LRFN5: variants seen among roughly 807,000 people sequenced by gnomAD.
The protein encoded by LRFN5 is leucine rich repeat and fibronectin type III domain containing 5.
A neutral mutation model predicts 45.6 loss-of-function variants in LRFN5; 24 were observed. The observed-to-expected ratio is 0.53, with a 90% CI of 0.38 to 0.74. The LOEUF (loss-of-function observed/expected upper bound fraction) is 0.74, where lower values mean the gene tolerates loss of function less well. Ranked by LOEUF, LRFN5 falls within the 30% of genes least tolerant of loss-of-function variation. LRFN5 has a pLI of 0.00. For synonymous variants in LRFN5, 340 were observed against 313.8 expected, an observed-to-expected ratio of 1.08 and a Z score of -0.88; for missense variants, 776 against 861.5, an observed-to-expected ratio of 0.90 and a Z score of 1.24.
At chr14:41,849,405 A>G (rs1566482141) in intron 2 of LRFN5, among the ~76,000 whole-genome samples, 1 of 151,618 alleles carries the variant, frequency 6.6e-6, no homozygotes, top group Admixed American at 6.6e-5. Context: ...ATTTCAACAC[A>G]TTTTTATAAG....
chr14:41,643,513 T>G (rs1879676499), intron 1 of LRFN5, among the ~76,000 whole-genome samples: 1 of 152,188 alleles, frequency 6.6e-6, no homozygotes, highest in Non-Finnish European at 1.5e-5. Flanking sequence ...CTAAGTTATC[T>G]TGTGTATTTG....
intron 2 of LRFN5, among the ~76,000 whole-genome samples, chr14:41,785,697 T>A (rs1435650024): frequency 3.3e-5 from 5 of 152,146 alleles, no homozygotes; most frequent in Admixed American, 3.3e-4. Flanking sequence ...CACCATAATG[T>A]AGAATCGGTG....
chr14:41,882,703 T>C (rs1890423841), intron 2 of LRFN5, among the ~76,000 whole-genome samples: 2 of 152,148 alleles, frequency 1.3e-5, no homozygotes, highest in South Asian at 4.1e-4. Flanking sequence ...TTCTATTTTG[T>C]TATGTTGAAC....
intron 1 of LRFN5, among the ~76,000 whole-genome samples, chr14:41,670,271 AT>A (rs1881130604): frequency 1.9e-5 from 1 of 53,446 alleles, no homozygotes; most frequent in Non-Finnish European, 3.2e-5. Flanking sequence ...ATATATATAT[AT>A]ATATATATAT....
chr14:41,899,459 A>G (rs1475770805), intron 5 of LRFN5, among the ~76,000 whole-genome samples: 2 of 152,150 alleles, frequency 1.3e-5, no homozygotes, highest in Non-Finnish European at 2.9e-5. Context: ...TACATATGAA[A>G]TATTCATGGT....
intron 1 of LRFN5, among the ~76,000 whole-genome samples, chr14:41,634,588 T>TAGAC (rs1888665965): frequency 1.3e-5 from 2 of 152,190 alleles, no homozygotes; most frequent in Non-Finnish European, 2.9e-5. Flanking sequence ...ACCATCTGGA[T>TAGAC]AGACATAGGT....
At chr14:41,857,844 T>C (rs946978861) in intron 2 of LRFN5, among the ~76,000 whole-genome samples, 1 of 152,192 alleles carries the variant, frequency 6.6e-6, no homozygotes, top group African/African-American at 2.4e-5. Flanking sequence ...AGAACATTTA[T>C]GCTGAAACTT....
At chr14:41,762,137 GAAA>G (rs60675317) in intron 1 of LRFN5, among the ~76,000 whole-genome samples, 2 of 101,406 alleles carry the variant, frequency 2.0e-5, no homozygotes, top group Admixed American at 1.0e-4. Context: ...TTCACACCCT[GAAA>G]AAAAAAAAAA....
intron 2 of LRFN5, among the ~76,000 whole-genome samples, chr14:41,824,455 T>G (rs1888225555): frequency 6.6e-6 from 1 of 152,178 alleles, no homozygotes; most frequent in Non-Finnish European, 1.5e-5. Context: ...AGTGACCTTC[T>G]CAAATCTCAG....
At chr14:41,720,297 A>G (rs1234637821) in intron 1 of LRFN5, among the ~76,000 whole-genome samples, 2 of 152,140 alleles carry the variant, frequency 1.3e-5, no homozygotes, top group African/African-American at 2.4e-5. Flanking sequence ...ATAGTATTCC[A>G]TGATGTATAT....
intron 1 of LRFN5, among the ~76,000 whole-genome samples, chr14:41,725,184 C>A (rs1028466166): frequency 1.3e-5 from 2 of 152,150 alleles, no homozygotes; most frequent in Non-Finnish European, 2.9e-5. Flanking sequence ...AGTTAGGATT[C>A]ACATTTTAGA....
intron 2 of LRFN5, among the ~76,000 whole-genome samples, chr14:41,771,181 A>G (rs534084517): frequency 2.0e-5 from 3 of 150,000 alleles, no homozygotes; most frequent in African/African-American, 7.3e-5. Context: ...AAACCATTCT[A>G]TTCTCCTGGG....
intron 2 of LRFN5, among the ~76,000 whole-genome samples, chr14:41,776,005 C>T (rs763207974): frequency 1.2e-4 from 18 of 152,160 alleles, no homozygotes; most frequent in Non-Finnish European, 1.9e-4. Context: ...TATATGCAAA[C>T]ACTCCAGTCT....
At chr14:41,779,355 C>G (rs1886402954) in intron 2 of LRFN5, among the ~76,000 whole-genome samples, 1 of 151,680 alleles carries the variant, frequency 6.6e-6, no homozygotes, top group South Asian at 2.1e-4. Context: ...AATTTTTCAT[C>G]CATTGTTTGT....
intron 1 of LRFN5, among the ~76,000 whole-genome samples, chr14:41,752,749 T>C (rs1294773510): frequency 5.9e-5 from 9 of 152,242 alleles, no homozygotes; most frequent in Non-Finnish European, 7.3e-5. Context: ...TCTTTTGCTG[T>C]GCAGAAGCTC....
At chr14:41,854,395 A>C (rs550974939) in intron 2 of LRFN5, among the ~76,000 whole-genome samples, 16 of 152,188 alleles carry the variant, frequency 1.1e-4, no homozygotes, top group African/African-American at 3.4e-4. Context: ...TAGCATTAGG[A>C]GATATACCTA....
intron 2 of LRFN5, among the ~76,000 whole-genome samples, chr14:41,779,765 C>G (rs73316922): frequency 0.06 from 9,054 of 151,916 alleles, 686 homozygotes; most frequent in East Asian, 0.19. Context: ...TAGAGTTATT[C>G]ATAATATTAC....
chr14:41,720,190 C>T (rs980550006), intron 1 of LRFN5, among the ~76,000 whole-genome samples: 10 of 152,028 alleles, frequency 6.6e-5, no homozygotes, highest in Admixed American at 5.2e-4. Flanking sequence ...TAATGTTTAG[C>T]TCCCAATTGC....
At chr14:41,741,033 T>C (rs1401004747) in intron 1 of LRFN5, among the ~76,000 whole-genome samples, 2 of 149,990 alleles carry the variant, frequency 1.3e-5, no homozygotes, top group African/African-American at 4.8e-5. Flanking sequence ...AGGTGAATGA[T>C]TGACTATGAT....
Sources: gnomAD v4.1 joint callset for allele counts (sites outside exome capture counted in the v4.1 genomes callset) on GRCh38, gnomAD v4.1.1 for gene constraint, MANE v1.5 for transcripts, NCBI Gene and HGNC (gene_info 2026-07-23, HGNC 2026-07-21) for gene names.